CNTNAP5: variants seen among roughly 807,000 people sequenced by gnomAD.
The protein encoded by CNTNAP5 is contactin-associated protein-like 5.
In CNTNAP5, 72 loss-of-function variants were observed where a neutral mutation model predicts 150.2. That is an observed-to-expected ratio of 0.48 (90% CI 0.40 to 0.58). CNTNAP5 has a LOEUF of 0.58. Ranked by LOEUF, CNTNAP5 falls within the 20% of genes least tolerant of loss-of-function variation. The pLI is 0.00. For synonymous variants in CNTNAP5, 672 were observed against 619.8 expected (o/e 1.08, Z -1.25); for missense variants, 1,636 against 1,626.2 (o/e 1.01, Z -0.10).
chr2:124,826,650 C>T (rs1682598725), intron 19 of CNTNAP5, among the ~76,000 whole-genome samples: 2 of 152,170 alleles, frequency 1.3e-5, no homozygotes, highest in Non-Finnish European at 2.9e-5. Context: ...CCTCCAACCC[C>T]TACCCTCTCA....
intron 1 of CNTNAP5, among the ~76,000 whole-genome samples, chr2:124,098,155 A>G (rs1682984207): frequency 6.6e-6 from 1 of 152,238 alleles, no homozygotes; most frequent in Non-Finnish European, 1.5e-5. Flanking sequence ...ATTAACACAT[A>G]TTTGTGTTAT....
chr2:124,912,731 G>A (rs377702103), intron 23 of CNTNAP5, among the ~76,000 whole-genome samples: 4 of 152,214 alleles, frequency 2.6e-5, no homozygotes, highest in African/African-American at 7.2e-5. Flanking sequence ...CTCCTCTCCA[G>A]CTATTTACGT....
At chr2:124,251,071 T>C (rs1687161162) in intron 3 of CNTNAP5, among the ~76,000 whole-genome samples, 1 of 152,106 alleles carries the variant, frequency 6.6e-6, no homozygotes, top group African/African-American at 2.4e-5. Flanking sequence ...TCTGACCAAT[T>C]GCAATTGTCC....
intron 13 of CNTNAP5, among the ~76,000 whole-genome samples, chr2:124,729,182 C>T (rs10208814): frequency 0.25 from 38,489 of 151,966 alleles, 5,521 homozygotes; most frequent in Non-Finnish European, 0.34. Context: ...CAAACCTTAT[C>T]TCCCAATGAG....
At chr2:124,204,860 C>A (rs1465326817) in intron 1 of CNTNAP5, among the ~76,000 whole-genome samples, 1 of 152,012 alleles carries the variant, frequency 6.6e-6, no homozygotes, top group Non-Finnish European at 1.5e-5. Flanking sequence ...CAAACCATAT[C>A]AAGCATCTAC....
At chr2:124,318,786 C>G (rs1186985202) in intron 3 of CNTNAP5, among the ~76,000 whole-genome samples, 1 of 152,076 alleles carries the variant, frequency 6.6e-6, no homozygotes, top group African/African-American at 2.4e-5. Flanking sequence ...CCTCTCCTAC[C>G]TCCCACTTCC....
intron 1 of CNTNAP5, among the ~76,000 whole-genome samples, chr2:124,096,665 T>C (rs902275713): frequency 6.6e-5 from 10 of 151,998 alleles, no homozygotes; most frequent in African/African-American, 2.2e-4. Context: ...TTCCTCTCTG[T>C]GGCCCAGAGA....
chr2:124,615,961 T>G (rs1558705498), intron 12 of CNTNAP5, among the ~76,000 whole-genome samples: 1 of 152,176 alleles, frequency 6.6e-6, no homozygotes, highest in East Asian at 1.9e-4. Context: ...TTTTGTTGTT[T>G]ATGGACAGGA....
intron 6 of CNTNAP5, among the ~76,000 whole-genome samples, chr2:124,464,520 C>A (rs143975557): frequency 6.6e-6 from 1 of 152,056 alleles, no homozygotes; most frequent in African/African-American, 2.4e-5. Context: ...GTACTACGAG[C>A]ATATTAAAGT....
intron 11 of CNTNAP5, among the ~76,000 whole-genome samples, chr2:124,609,588 AGAG>A (rs1006721053): frequency 6.6e-6 from 1 of 151,516 alleles, no homozygotes; most frequent in Non-Finnish European, 1.5e-5. Context: ...AATAATAAAA[AGAG>A]AGAGAGAGAG....
At chr2:124,489,623 C>T (rs1445151352) in intron 7 of CNTNAP5, among the ~76,000 whole-genome samples, 1 of 152,142 alleles carries the variant, frequency 6.6e-6, no homozygotes, top group Non-Finnish European at 1.5e-5. Flanking sequence ...TTTAAGACCT[C>T]TCCTCCAACT....
At chr2:124,313,425 T>G (rs1329442899) in intron 3 of CNTNAP5, among the ~76,000 whole-genome samples, 1 of 152,210 alleles carries the variant, frequency 6.6e-6, no homozygotes, top group Non-Finnish European at 1.5e-5. Flanking sequence ...CACTGAACTG[T>G]TACATCAGAC....
chr2:124,201,242 T>C (rs1237742877), intron 1 of CNTNAP5, among the ~76,000 whole-genome samples: 2 of 152,208 alleles, frequency 1.3e-5, no homozygotes, highest in Non-Finnish European at 2.9e-5. Flanking sequence ...CTCAGGTACA[T>C]GCACTACTTT....
intron 3 of CNTNAP5, among the ~76,000 whole-genome samples, chr2:124,300,749 G>A (rs745950367): frequency 3.9e-5 from 6 of 152,142 alleles, no homozygotes; most frequent in Non-Finnish European, 7.3e-5. Context: ...AGGCTGCAAG[G>A]ACTTAGAACA....
At chr2:124,355,399 A>G (rs1349006444) in intron 3 of CNTNAP5, among the ~76,000 whole-genome samples, 3 of 152,094 alleles carry the variant, frequency 2.0e-5, no homozygotes, top group East Asian at 1.9e-4. Flanking sequence ...AACTTTCACA[A>G]GGGTTTGATC....
At chr2:124,381,510 T>C (rs1486973157) in intron 3 of CNTNAP5, among the ~76,000 whole-genome samples, 2 of 152,044 alleles carry the variant, frequency 1.3e-5, no homozygotes, top group African/African-American at 4.8e-5. Flanking sequence ...TCTGAGGCAT[T>C]AGGGGAAATG....
intron 1 of CNTNAP5, among the ~76,000 whole-genome samples, chr2:124,033,510 T>C (rs757996552): frequency 2.6e-5 from 4 of 152,188 alleles, no homozygotes; most frequent in Non-Finnish European, 5.9e-5. Flanking sequence ...TGTGACCATG[T>C]GGTTTGTGTA....
chr2:124,054,042 T>C (rs1681780008), intron 1 of CNTNAP5, among the ~76,000 whole-genome samples: 1 of 152,162 alleles, frequency 6.6e-6, no homozygotes, highest in African/African-American at 2.4e-5. Context: ...TGGCATCGTA[T>C]TGGCACTCAA....
chr2:124,260,939 A>G (rs1687437764), intron 3 of CNTNAP5, among the ~76,000 whole-genome samples: 1 of 152,190 alleles, frequency 6.6e-6, no homozygotes, highest in Non-Finnish European at 1.5e-5. Context: ...GACTGTATTT[A>G]CCAAATAATT....
Sources: allele counts gnomAD v4.1 joint callset (sites outside exome capture counted in the v4.1 genomes callset), GRCh38; gene constraint gnomAD v4.1.1; transcripts MANE v1.5; gene names NCBI Gene and HGNC (gene_info 2026-07-23, HGNC 2026-07-21).